Variants in ARL13B observed in about 807,000 individuals in gnomAD.
ARL13B encodes ADP-ribosylation factor-like protein 13B.
In ARL13B, 36 loss-of-function variants were observed where a neutral mutation model predicts 56.1. The observed-to-expected ratio is 0.64, with a 90% CI of 0.49 to 0.85. ARL13B has a LOEUF of 0.85. Among genes scored for constraint, ARL13B ranks in the 40% least tolerant of loss-of-function variants. ARL13B has a pLI of 0.00. For missense variants in ARL13B, 519 were observed against 507.1 expected (o/e 1.02, Z -0.23); for synonymous variants, 178 against 171.1 (o/e 1.04, Z -0.32).
Position 94,054,362 on chromosome 3 carries a change from A to C in ARL13B, c.*1099A>C. ...ATTCCAAAATAATTTCTTAATTTAA[A>C]ATGATAGCACTTCTCTTGCACTTAA... On this transcript the variant is annotated 3_prime_UTR_variant, in exon 10 of 10. Coordinates refer to ENST00000394222, the MANE Select transcript of ARL13B (RefSeq NM_001174150.2). The C allele has an allele frequency of 2.3e-6, 1 of 428,358 alleles. No homozygotes were observed. Among genetic ancestry groups the C allele is most frequent in the South Asian group, 1.7e-5 (1 of 57,496 alleles). 26.5% of individuals were successfully genotyped at this position (428,358 alleles called of 1,614,324 possible).
chr3:94,029,375 C>T (rs1330480979), intron 3 of ARL13B, among the ~76,000 whole-genome samples: 14 of 104,990 alleles, frequency 1.3e-4, no homozygotes, highest in African/African-American at 5.3e-4. Flanking sequence ...GAGAAGGAGT[C>T]TTGCTCTTGT....
At chr3:93,991,182 A>C (rs181546486) in intron 1 of ARL13B, among the ~76,000 whole-genome samples, 22 of 152,296 alleles carry the variant, frequency 1.4e-4, no homozygotes, top group Admixed American at 1.3e-3. Context: ...TGCTAGTGTC[A>C]ACTTTTATAG....
At chr3:94,026,175 A>G (rs1212119802) in intron 3 of ARL13B, among the ~76,000 whole-genome samples, 1 of 152,022 alleles carries the variant, frequency 6.6e-6, no homozygotes, top group Non-Finnish European at 1.5e-5. Flanking sequence ...GCCCGCCACC[A>G]CACCCGACTA....
intron 1 of ARL13B, among the ~76,000 whole-genome samples, chr3:93,987,348 A>G (rs1710520883): frequency 6.6e-6 from 1 of 152,114 alleles, no homozygotes; most frequent in African/African-American, 2.4e-5. Flanking sequence ...ATTCTGAGAT[A>G]AGATATTCTC....
At position 94,003,789 on chromosome 3, in the gene ARL13B, T is replaced by A. The variant is rs1160864405; in HGVS notation, c.261T>A (p.Ala87=). 1.2e-6 allele frequency: 2 copies of A among 1,613,794 alleles called. No homozygotes were observed. Among genetic ancestry groups the A allele is most frequent in the Non-Finnish European group, 1.7e-6 (2 of 1,179,758 alleles). ...RIRGIWKNYY[A]ESYGVIFVVD... Reference sequence around the variant, plus strand: ...GGGGAATCTGGAAGAATTACTATGCTGAATCCTATGGGGTAATATTTGTTG... The same window carrying A: ...GGGGAATCTGGAAGAATTACTATGCAGAATCCTATGGGGTAATATTTGTTG... The change falls in exon 3 of 10, where the codon GCT becomes GCA. Residue 87 remains alanine, a synonymous_variant. Coordinates refer to ENST00000394222, the MANE Select transcript of ARL13B (RefSeq NM_001174150.2).
chr3:94,032,490 G>T (rs1224272575), intron 3 of ARL13B, among the ~76,000 whole-genome samples: 1 of 151,998 alleles, frequency 6.6e-6, no homozygotes, highest in Non-Finnish European at 1.5e-5. Flanking sequence ...AAACAGTATG[G>T]AGATTTCTTT....
chr3:94,014,535 C>T, intron 3 of ARL13B: 1 of 1,612,842 alleles, frequency 6.2e-7, no homozygotes, highest in East Asian at 2.2e-5. Context: ...TGTTGATGCT[C>T]TCTCCTTGTT....
chr3:93,985,872 C>G (rs1053441818), intron 1 of ARL13B, among the ~76,000 whole-genome samples: 5 of 152,034 alleles, frequency 3.3e-5, no homozygotes, highest in African/African-American at 1.2e-4. Flanking sequence ...TTGCTGTGGC[C>G]AAGTCTAAAA....
intron 1 of ARL13B, among the ~76,000 whole-genome samples, chr3:93,981,865 C>CAAAAAAAAAAAAA (rs11396818): frequency 4.4e-5 from 3 of 68,384 alleles, no homozygotes; most frequent in Non-Finnish European, 5.5e-5. Flanking sequence ...AACCCTGTCT[C>CAAAAAAAAAAAAA]AAAAAAAAAA....
chr3:94,049,552 A>C (rs750469287), intron 8 of ARL13B, 30 bp downstream of exon 8: 1 of 1,346,436 alleles, frequency 7.4e-7, no homozygotes, highest in Non-Finnish European at 1.0e-6. Flanking sequence ...TACTGAATTT[A>C]GAAATATTGC....
rs141224596 is a variant in ARL13B, at chr3:94,042,515, G to T, written c.799-500G>T. Among the ~76,000 whole-genome samples, 456 of 152,246 alleles carry T rather than the reference G, an allele frequency of 3.0e-3. 4 individuals carry two copies. Among genetic ancestry groups the T allele is most frequent in the African/African-American group, 0.01 (434 of 41,552 alleles). On this transcript the variant is annotated intron_variant, in intron 6 of 9. Transcript: ENST00000394222. ...CTAACATTTATGTAGCATTTACTAT[G>T]TGTAAGGCACTGTTCTGAGCACTTT...
Position 94,036,736 on chromosome 3 carries a change from G to T in ARL13B, c.671G>T (p.Arg224Leu), listed in dbSNP as rs542323478. 3.1e-6 allele frequency: 5 copies of T among 1,611,650 alleles called. No homozygotes were observed. In the South Asian group the frequency reaches 5.5e-5, roughly 18 times the overall value. Residue 224 changes from arginine (R) to leucine (L), a missense_variant, in exon 5 of 10, where the codon CGA becomes CTA. Coordinates refer to ENST00000394222, the MANE Select transcript of ARL13B (RefSeq NM_001174150.2). ...AAACAAGAAAGAGCTGAACGAGTGC[G>T]AAAATTACGAGAAGAAAGGTAAGTA... ...QEKQERAERV[R>L]KLREERKQNE...
chr3:94,037,050 C>T (rs906276454), intron 5 of ARL13B, among the ~76,000 whole-genome samples: 4 of 152,050 alleles, frequency 2.6e-5, no homozygotes, highest in African/African-American at 9.7e-5. Flanking sequence ...TCTCAATGCA[C>T]AGGGTAGTTT....
At chr3:94,003,512 T>C in intron 2 of ARL13B, 147 bp from the exon 3 acceptor site, 4 of 871,046 alleles carry the variant, frequency 4.6e-6, no homozygotes, top group Non-Finnish European at 1.7e-6. Context: ...TATTCTGGCC[T>C]GTCCCCAAAC....
chr3:94,015,098 G>C lies in ARL13B; in HGVS notation c.380+11190G>C, dbSNP rs755447532. 3 of 1,613,646 alleles carry C rather than the reference G, an allele frequency of 1.9e-6. No homozygotes were observed. In the African/African-American group the frequency reaches 4.0e-5, roughly 22 times the overall value. On this transcript the variant is annotated intron_variant, in intron 3 of 9. Transcript: ENST00000394222. ...TCTGCCAAATTGTTAATACTTTCCT[G>C]TAGTTTTTGGATTTCATGTAGGTGT...
In ARL13B at chr3:94,044,804, G is replaced by A. The variant is rs868024678; in HGVS notation, c.1024+1564G>A. Among the ~76,000 whole-genome samples, 909 of 98,906 alleles carry A rather than the reference G, an allele frequency of 9.2e-3. 10 individuals carry two copies. Among genetic ancestry groups the A allele is most frequent in the African/African-American group, 0.034 (873 of 25,864 alleles). The allele number at this position is 98,906 out of a possible 152,430, so 64.9% of individuals were successfully genotyped here. On this transcript the variant is annotated intron_variant, in intron 7 of 9. Transcript: ENST00000394222. ...GTGAGGAGCGCCTCTGCCCGGCCGC[G>A]CCGTCTGGGAAGTGGGGAGCGCCTC...
intron 8 of ARL13B, 75 bp from the exon 9 acceptor site, chr3:94,050,749 A>C (rs2077053806): frequency 1.6e-6 from 2 of 1,244,264 alleles, no homozygotes; most frequent in Admixed American, 3.6e-5. Flanking sequence ...CTTCCTTTCC[A>C]GGGAGGGATC....
At chr3:94,015,824 C>G (rs2107494503) in intron 3 of ARL13B, among the ~76,000 whole-genome samples, 1 of 152,216 alleles carries the variant, frequency 6.6e-6, no homozygotes, top group African/African-American at 2.4e-5. Flanking sequence ...TCCGAAGCCT[C>G]TGAATTAACG....
In ARL13B at chr3:94,035,325, T is replaced by C. The variant is rs1459311343; in HGVS notation, c.381-6T>C. On this transcript the variant is annotated splice_polypyrimidine_tract_variant and splice_region_variant and intron_variant, in intron 3 of 9. Coordinates refer to ENST00000394222, the MANE Select transcript of ARL13B (RefSeq NM_001174150.2). ...GCTGTATAAAAGTACTTTAATTATC[T>C]TTCAGGTTGGCAAATAAACAAGATA... 6.3e-7 allele frequency: 1 copy of C among 1,585,670 alleles called. No individual in the cohort carries two copies. The highest frequency in any genetic ancestry group is 8.6e-7 in the Non-Finnish European group (1 of 1,156,076).
Sources: gnomAD v4.1 joint callset for allele counts (sites outside exome capture counted in the v4.1 genomes callset) on GRCh38, gnomAD v4.1.1 for gene constraint, MANE v1.5 for transcripts, NCBI Gene and HGNC (gene_info 2026-07-23, HGNC 2026-07-21) for gene names.